Variants in CDH12 observed in about 807,000 individuals in gnomAD.
The protein encoded by CDH12 is cadherin 12, also known as cadherin-12.
In CDH12, 41 loss-of-function variants were observed where a neutral mutation model predicts 74.1. The ratio of observed to expected loss-of-function variants is 0.55; its 90% CI spans 0.43 to 0.72. CDH12 has a LOEUF of 0.72. CDH12 is among the 30% of genes least tolerant of loss of function. CDH12 has a pLI of 0.00. For synonymous variants in CDH12, 399 were observed against 355.0 expected, an observed-to-expected ratio of 1.12 and a Z score of -1.39; for missense variants, 945 against 977.2, an observed-to-expected ratio of 0.97 and a Z score of 0.44.
intron 9 of CDH12, among the ~76,000 whole-genome samples, chr5:21,812,491 A>G (rs1209853217): frequency 1.3e-5 from 2 of 152,254 alleles, no homozygotes; most frequent in East Asian, 1.9e-4. Context: ...TAATTGCAAG[A>G]TGAAGTTTTC....
At chr5:22,462,393 T>C (rs891463722) in intron 2 of CDH12, among the ~76,000 whole-genome samples, 2 of 152,156 alleles carry the variant, frequency 1.3e-5, no homozygotes, top group East Asian at 3.8e-4. Context: ...CCCCACCTTT[T>C]AGAGGGCTGT....
At chr5:21,880,616 C>CTCTTTCTTTCT (rs1752255658) in intron 6 of CDH12, among the ~76,000 whole-genome samples, 1 of 50,810 alleles carries the variant, frequency 2.0e-5, no homozygotes, top group African/African-American at 8.8e-5. Flanking sequence ...TCCTTCCTTC[C>CTCTTTCTTTCT]TTCTTTCTTT....
chr5:22,248,267 A>G (rs1230929199), intron 3 of CDH12, among the ~76,000 whole-genome samples: 5 of 152,158 alleles, frequency 3.3e-5, no homozygotes, highest in African/African-American at 7.2e-5. Context: ...CCATTGCGCT[A>G]TAGCCTGGAT....
chr5:21,919,644 A>G (rs1484409095), intron 6 of CDH12, among the ~76,000 whole-genome samples: 1 of 152,190 alleles, frequency 6.6e-6, no homozygotes, highest in East Asian at 1.9e-4. Flanking sequence ...TCTTTGTAAG[A>G]GCAGCTGTAG....
At chr5:21,779,636 T>C (rs1182429665) in intron 11 of CDH12, 3 of 152,364 alleles carry the variant, frequency 2.0e-5, no homozygotes, top group Admixed American at 2.0e-4. Context: ...TCGTGCCATT[T>C]CATTTCACCT....
At chr5:21,942,812 A>C (rs887148999) in intron 6 of CDH12, among the ~76,000 whole-genome samples, 5 of 152,154 alleles carry the variant, frequency 3.3e-5, no homozygotes, top group African/African-American at 9.7e-5. Flanking sequence ...ATAATCCCCC[A>C]AAAATGTTAA....
At chr5:22,235,116 G>A (rs1580432471) in intron 3 of CDH12, among the ~76,000 whole-genome samples, 1 of 151,986 alleles carries the variant, frequency 6.6e-6, no homozygotes, top group East Asian at 1.9e-4. Context: ...TTGTTTATAT[G>A]CTGTGTGATT....
At chr5:22,616,801 A>G (rs1737712168) in intron 1 of CDH12, among the ~76,000 whole-genome samples, 1 of 152,034 alleles carries the variant, frequency 6.6e-6, no homozygotes, top group African/African-American at 2.4e-5. Context: ...ATTAGGAGGT[A>G]GGACACTTGA....
chr5:22,247,944 G>C (rs113700085), intron 3 of CDH12, among the ~76,000 whole-genome samples: 2 of 152,188 alleles, frequency 1.3e-5, no homozygotes, highest in African/African-American at 4.8e-5. Context: ...ATATTTACAA[G>C]AAGTCCCAAA....
intron 2 of CDH12, among the ~76,000 whole-genome samples, chr5:22,464,839 T>C (rs1745660316): frequency 6.6e-6 from 1 of 151,914 alleles, no homozygotes; most frequent in Admixed American, 6.6e-5. Context: ...CCACCTCTAC[T>C]AAAAATATAA....
chr5:22,465,439 A>G (rs1002824560), intron 2 of CDH12, among the ~76,000 whole-genome samples: 1 of 152,116 alleles, frequency 6.6e-6, no homozygotes, highest in African/African-American at 2.4e-5. Flanking sequence ...TGAGGGCAGC[A>G]GTTTAAAACC....
intron 4 of CDH12, chr5:22,172,360 C>T (rs1228502810): frequency 6.6e-6 from 1 of 151,806 alleles, no homozygotes; most frequent in Non-Finnish European, 1.5e-5. Context: ...TTATCTCCTC[C>T]TTGAAGATGA....
At chr5:22,537,698 C>A (rs531151497) in intron 1 of CDH12, among the ~76,000 whole-genome samples, 1 of 152,280 alleles carries the variant, frequency 6.6e-6, no homozygotes, top group East Asian at 1.9e-4. Context: ...GTGATAAGCT[C>A]TCTCACTCTA....
At chr5:22,374,164 A>T (rs1036634410) in intron 3 of CDH12, among the ~76,000 whole-genome samples, 7 of 152,170 alleles carry the variant, frequency 4.6e-5, no homozygotes, top group Non-Finnish European at 1.0e-4. Context: ...CAATATACAA[A>T]TCAATAAATG....
intron 3 of CDH12, among the ~76,000 whole-genome samples, chr5:22,390,304 G>C (rs188672016): frequency 9.2e-5 from 14 of 152,094 alleles, no homozygotes; most frequent in Middle Eastern, 3.4e-3. Flanking sequence ...GACACTTTTT[G>C]TTTAAATAAC....
At chr5:22,701,122 AATTTATTTCTCT>A (rs1163904663) in intron 1 of CDH12, among the ~76,000 whole-genome samples, 10 of 152,210 alleles carry the variant, frequency 6.6e-5, no homozygotes, top group Admixed American at 6.5e-4. Flanking sequence ...CAAACTTGCA[AATTTATTTCTCT>A]AACAAGGCCA....
At chr5:21,898,563 G>A (rs532070924) in intron 6 of CDH12, among the ~76,000 whole-genome samples, 7 of 152,062 alleles carry the variant, frequency 4.6e-5, no homozygotes, top group East Asian at 1.9e-4. Flanking sequence ...TTAGCTGGGC[G>A]TGGTGGCGGG....
chr5:22,129,667 T>C (rs542535484), intron 4 of CDH12, among the ~76,000 whole-genome samples: 1 of 152,282 alleles, frequency 6.6e-6, no homozygotes, highest in African/African-American at 2.4e-5. Flanking sequence ...TTTTCAGTGC[T>C]CCAGCTTTAC....
chr5:21,924,023 C>T (rs1350092388), intron 6 of CDH12, among the ~76,000 whole-genome samples: 1 of 152,160 alleles, frequency 6.6e-6, no homozygotes, highest in East Asian at 1.9e-4. Flanking sequence ...TAAACTGTCT[C>T]CTTCCTCTAG....
Sources: allele counts gnomAD v4.1 joint callset (sites outside exome capture counted in the v4.1 genomes callset), GRCh38; gene constraint gnomAD v4.1.1; transcripts MANE v1.5; gene names NCBI Gene and HGNC (gene_info 2026-07-23, HGNC 2026-07-21).